Variants in FAF1 observed in about 807,000 individuals in gnomAD.
FAF1 encodes the protein FAS-associated factor 1.
In FAF1, 25 loss-of-function variants were observed where a neutral mutation model predicts 92.5. The ratio of observed to expected loss-of-function variants is 0.27; its 90% confidence interval spans 0.20 to 0.38. FAF1 has a LOEUF of 0.38. FAF1 is among the 10% of genes least tolerant of loss of function. The pLI, the probability that FAF1 is intolerant of heterozygous loss-of-function variation, is 1.00. For missense variants in FAF1, 636 were observed against 793.3 expected (o/e 0.80, Z 2.38); for synonymous variants, 234 against 273.2 (o/e 0.86, Z 1.42).
intron 9 of FAF1, among the ~76,000 whole-genome samples, chr1:50,586,344 G>C (rs1264242110): frequency 6.6e-6 from 1 of 151,998 alleles, no homozygotes; most frequent in African/African-American, 2.4e-5. Flanking sequence ...GAGGATCTCA[G>C]GACCCCATGA....
intron 2 of FAF1, among the ~76,000 whole-genome samples, chr1:50,817,286 A>G (rs1395615493): frequency 6.6e-6 from 1 of 152,236 alleles, no homozygotes; most frequent in Non-Finnish European, 1.5e-5. Flanking sequence ...ATATATCCAT[A>G]CAATGGAATA....
At chr1:50,568,587 T>C (rs1055526397) in intron 12 of FAF1, among the ~76,000 whole-genome samples, 2 of 152,186 alleles carry the variant, frequency 1.3e-5, no homozygotes, top group Non-Finnish European at 2.9e-5. Context: ...ACAACCATTA[T>C]CTACTTTAAT....
At chr1:50,846,096 C>T (rs1644296579) in intron 2 of FAF1, among the ~76,000 whole-genome samples, 1 of 152,000 alleles carries the variant, frequency 6.6e-6, no homozygotes, top group Admixed American at 6.6e-5. Flanking sequence ...TACTGCATTC[C>T]AGCCTGGGCA....
At chr1:50,940,164 G>A (rs894962861) in intron 1 of FAF1, among the ~76,000 whole-genome samples, 1 of 151,984 alleles carries the variant, frequency 6.6e-6, no homozygotes, top group Non-Finnish European at 1.5e-5. Flanking sequence ...TGCCCACTTC[G>A]GCACCCCAAG....
intron 8 of FAF1, among the ~76,000 whole-genome samples, chr1:50,603,330 G>A (rs1371646747): frequency 1.3e-5 from 2 of 152,190 alleles, no homozygotes; most frequent in African/African-American, 2.4e-5. Context: ...GAGTAGTGGA[G>A]TAACCTGTCC....
intron 9 of FAF1, among the ~76,000 whole-genome samples, chr1:50,594,023 T>C (rs1457552920): frequency 6.6e-6 from 1 of 152,162 alleles, no homozygotes; most frequent in Non-Finnish European, 1.5e-5. Flanking sequence ...TAAAAAATTC[T>C]AGTTTAAGGC....
At chr1:50,922,704 G>T (rs978076421) in intron 1 of FAF1, among the ~76,000 whole-genome samples, 1 of 150,112 alleles carries the variant, frequency 6.7e-6, no homozygotes, top group Non-Finnish European at 1.5e-5. Context: ...TATAATCCCA[G>T]CTACTTGTGG....
intron 8 of FAF1, among the ~76,000 whole-genome samples, chr1:50,633,972 A>G (rs1291406194): frequency 6.6e-6 from 1 of 152,238 alleles, no homozygotes; most frequent in Non-Finnish European, 1.5e-5. Flanking sequence ...AAAAGAACAA[A>G]AAGACTTTCA....
chr1:50,564,199 A>G (rs1470170151), intron 13 of FAF1, among the ~76,000 whole-genome samples: 2 of 152,080 alleles, frequency 1.3e-5, no homozygotes, highest in African/African-American at 2.4e-5. Context: ...CCCATATTGG[A>G]TATCAACATC....
chr1:50,444,810 C>T (rs1325534714), intron 18 of FAF1, among the ~76,000 whole-genome samples: 2 of 151,732 alleles, frequency 1.3e-5, no homozygotes, highest in African/African-American at 4.8e-5. Flanking sequence ...TTATCTTGCC[C>T]AAGGCTGCAG....
At chr1:50,848,083 T>C (rs1644317361) in intron 2 of FAF1, among the ~76,000 whole-genome samples, 1 of 151,948 alleles carries the variant, frequency 6.6e-6, no homozygotes, top group East Asian at 1.9e-4. Context: ...CTACAAGAAA[T>C]GCTAAAGTAG....
At chr1:50,911,225 C>T (rs550986505) in intron 1 of FAF1, among the ~76,000 whole-genome samples, 26 of 151,604 alleles carry the variant, frequency 1.7e-4, no homozygotes, top group Admixed American at 1.4e-3. Context: ...GGCCACACCA[C>T]CATACCCAGC....
intron 17 of FAF1, among the ~76,000 whole-genome samples, chr1:50,484,032 G>A (rs975582015): frequency 3.3e-4 from 50 of 152,086 alleles, no homozygotes; most frequent in African/African-American, 1.2e-3. Context: ...GGAGGAGCTG[G>A]AAATATAAAT....
At chr1:50,937,696 A>G (rs1438939118) in intron 1 of FAF1, among the ~76,000 whole-genome samples, 2 of 152,132 alleles carry the variant, frequency 1.3e-5, no homozygotes, top group African/African-American at 4.8e-5. Context: ...TAACCACTGG[A>G]GCCAAGTTCT....
chr1:50,506,751 T>C (rs1460603965), intron 15 of FAF1, among the ~76,000 whole-genome samples: 1 of 152,010 alleles, frequency 6.6e-6, no homozygotes, highest in Non-Finnish European at 1.5e-5. Flanking sequence ...TCTTATTTAA[T>C]CCTCACATAT....
chr1:50,667,812 C>T (rs1425810368), intron 7 of FAF1, among the ~76,000 whole-genome samples: 1 of 152,108 alleles, frequency 6.6e-6, no homozygotes, highest in Non-Finnish European at 1.5e-5. Context: ...GCTTCTACAG[C>T]AAGCTTCAAA....
At chr1:50,759,474 C>G (rs891423908) in intron 4 of FAF1, among the ~76,000 whole-genome samples, 1 of 151,916 alleles carries the variant, frequency 6.6e-6, no homozygotes, top group South Asian at 2.1e-4. Flanking sequence ...CTACAAAGGA[C>G]ATGAACTCAT....
chr1:50,843,949 C>A (rs762647894), intron 2 of FAF1, among the ~76,000 whole-genome samples: 1 of 152,088 alleles, frequency 6.6e-6, no homozygotes, highest in African/African-American at 2.4e-5. Flanking sequence ...TTTTGAGGAA[C>A]CTCCATACTG....
intron 12 of FAF1, among the ~76,000 whole-genome samples, chr1:50,570,683 T>G (rs2149058704): frequency 6.6e-6 from 1 of 152,316 alleles, no homozygotes; most frequent in Middle Eastern, 3.4e-3. Context: ...TGACATAAGC[T>G]TTCAACAAAA....
Sources: gnomAD v4.1 joint callset for allele counts (sites outside exome capture counted in the v4.1 genomes callset) on GRCh38, gnomAD v4.1.1 for gene constraint, MANE v1.5 for transcripts, NCBI Gene and HGNC (gene_info 2026-07-23, HGNC 2026-07-21) for gene names.